GLIPR1L2: variants seen among roughly 807,000 people sequenced by gnomAD.
The protein encoded by GLIPR1L2 is GLIPR1 like 2.
A neutral mutation model predicts 28.4 loss-of-function variants in GLIPR1L2; 21 were observed. The ratio of observed to expected loss-of-function variants is 0.74; its 90% CI spans 0.52 to 1.06. GLIPR1L2 has a LOEUF of 1.06. Ranked by LOEUF, GLIPR1L2 falls within the 50% of genes least tolerant of loss-of-function variation. The pLI is 0.00. For synonymous variants in GLIPR1L2, 145 were observed against 139.3 expected, an observed-to-expected ratio of 1.04 and a Z score of -0.29; for missense variants, 476 against 416.9, an observed-to-expected ratio of 1.14 and a Z score of -1.23.
At chr12:75,426,659 G>T (rs1226403009) in intron 4 of GLIPR1L2, among the ~76,000 whole-genome samples, 1 of 152,158 alleles carries the variant, frequency 6.6e-6, no homozygotes, top group African/African-American at 2.4e-5. Flanking sequence ...ACACTCACGT[G>T]GTAGTAATGC....
In GLIPR1L2 at chr12:75,430,820, A is replaced by G. The variant is rs1316670968; in HGVS notation, c.698-4A>G. The stretch of plus-strand genomic sequence containing the variant: ...CCAGCTTTCAATTGCTTCTTTGTTT[A>G]CAGATTACCGATTTTGGTATCCAAA... On this transcript the variant is annotated splice_polypyrimidine_tract_variant and splice_region_variant and intron_variant, in intron 5 of 5. Transcript: ENST00000550916. 1 of 1,533,362 alleles carries G rather than the reference A, an allele frequency of 6.5e-7. No homozygotes were observed. The highest frequency in any genetic ancestry group is 2.4e-5 in the East Asian group (1 of 40,882). 95.0% of individuals were successfully genotyped at this position (1,533,362 alleles called of 1,614,324 possible).
chr12:75,391,471 C>T (rs1322160559), intron 1 of GLIPR1L2, 121 bp downstream of exon 1: 11 of 1,560,992 alleles, frequency 7.0e-6, no homozygotes, highest in Non-Finnish European at 9.5e-6. Flanking sequence ...GCACTTTTAG[C>T]TTGGTTTTTA....
At chr12:75,423,382 TC>T in intron 4 of GLIPR1L2, 1 of 994,790 alleles carries the variant, frequency 1.0e-6, no homozygotes, top group Middle Eastern at 4.8e-4. Flanking sequence ...TAGTTTTTCC[TC>T]CAAAAAGCTG....
chr12:75,400,434 A>G (rs1282248809), intron 1 of GLIPR1L2, among the ~76,000 whole-genome samples: 1 of 152,082 alleles, frequency 6.6e-6, no homozygotes, highest in Non-Finnish European at 1.5e-5. Flanking sequence ...AACGTTCTTT[A>G]TACTAACAAC....
intron 4 of GLIPR1L2, among the ~76,000 whole-genome samples, chr12:75,428,709 G>T (rs796915250): frequency 1.3e-5 from 2 of 152,172 alleles, no homozygotes; most frequent in Non-Finnish European, 2.9e-5. Flanking sequence ...CATGGGCCAG[G>T]CCCAGTCCCC....
intron 4 of GLIPR1L2, 94 bp from the exon 5 acceptor site, chr12:75,430,621 A>G: frequency 8.6e-7 from 1 of 1,159,314 alleles, no homozygotes. Flanking sequence ...CCTGAGAACT[A>G]GGAGAAAGTG....
At chr12:75,408,823 A>T (rs950444632) in intron 1 of GLIPR1L2, among the ~76,000 whole-genome samples, 14 of 152,096 alleles carry the variant, frequency 9.2e-5, no homozygotes, top group African/African-American at 3.1e-4. Context: ...CCCATTTAAA[A>T]CAGCCAAACT....
At chr12:75,393,828 A>G (rs2045655636) in intron 1 of GLIPR1L2, among the ~76,000 whole-genome samples, 3 of 152,066 alleles carry the variant, frequency 2.0e-5, no homozygotes, top group South Asian at 4.2e-4. Context: ...TCTGTTTTCC[A>G]TAGTGGCTGC....
chr12:75,398,052 C>T (rs1366855525), intron 1 of GLIPR1L2, among the ~76,000 whole-genome samples: 1 of 150,028 alleles, frequency 6.7e-6, no homozygotes, highest in Non-Finnish European at 1.5e-5. Flanking sequence ...AAAAAAATGC[C>T]GGGAGCGGTG....
intron 1 of GLIPR1L2, among the ~76,000 whole-genome samples, chr12:75,399,707 T>C (rs1268194262): frequency 6.6e-6 from 1 of 152,248 alleles, no homozygotes; most frequent in African/African-American, 2.4e-5. Context: ...ATGTATTTTT[T>C]GCTATTCAGA....
intron 1 of GLIPR1L2, among the ~76,000 whole-genome samples, chr12:75,392,706 C>T (rs1221980618): frequency 1.3e-5 from 2 of 151,950 alleles, no homozygotes; most frequent in Non-Finnish European, 2.9e-5. Context: ...TCTAATACAA[C>T]TTTTCATAGG....
intron 3 of GLIPR1L2, 102 bp from the exon 4 acceptor site, chr12:75,422,802 C>T (rs1373882011): frequency 7.7e-6 from 7 of 910,964 alleles, no homozygotes; most frequent in African/African-American, 1.8e-5. Context: ...TTTCTTAACC[C>T]GCCTTTTTAA....
intron 1 of GLIPR1L2, among the ~76,000 whole-genome samples, chr12:75,406,773 A>AC (rs1203096453): frequency 1.4e-5 from 2 of 145,152 alleles, no homozygotes; most frequent in South Asian, 4.3e-4. Context: ...AAAAAAAAAA[A>AC]AGAGAGAGAG....
rs899723517 is a variant in GLIPR1L2 at position 75,391,425 on chromosome 12, G to C, written c.234+75G>C. On this transcript the variant is annotated intron_variant, in intron 1 of 5. Coordinates refer to ENST00000550916, the MANE Select transcript of GLIPR1L2 (RefSeq NM_001270396.2). Reference sequence around the variant, plus strand: ...GCCTCCCTGGATCTCGGGTAGTTGGGGCCACTGCTCTGAGGCTGAAGGATC... The same window carrying C: ...GCCTCCCTGGATCTCGGGTAGTTGGCGCCACTGCTCTGAGGCTGAAGGATC... The C allele has an allele frequency of 8.1e-6, 13 of 1,601,646 alleles. No individual in the cohort carries two copies. The Admixed American group carries it at 1.5e-4, about 19-fold the overall frequency.
chr12:75,411,157 T>A (rs1173158210), intron 2 of GLIPR1L2, among the ~76,000 whole-genome samples: 1 of 151,894 alleles, frequency 6.6e-6, no homozygotes, highest in African/African-American at 2.4e-5. Context: ...ATTGAAGCAC[T>A]TTTCATTTCA....
chr12:75,429,897 CTA>C (rs2046072712), intron 4 of GLIPR1L2, among the ~76,000 whole-genome samples: 1 of 151,254 alleles, frequency 6.6e-6, no homozygotes, highest in Non-Finnish European at 1.5e-5. Flanking sequence ...CTATGCAGAA[CTA>C]TGAGTCAATT....
chr12:75,412,666 A>G (rs978130201), intron 2 of GLIPR1L2, among the ~76,000 whole-genome samples: 2 of 152,066 alleles, frequency 1.3e-5, no homozygotes. Flanking sequence ...CACCAGTTAG[A>G]ATGGCGATCA....
chr12:75,424,646 T>C (rs1332437385), intron 4 of GLIPR1L2, among the ~76,000 whole-genome samples: 3 of 151,896 alleles, frequency 2.0e-5, no homozygotes, highest in Admixed American at 2.0e-4. Context: ...GACAGGATCT[T>C]GTTGTGTTGC....
intron 4 of GLIPR1L2, 87 bp from the exon 5 acceptor site, chr12:75,430,628 A>C (rs2046081561): frequency 8.1e-7 from 1 of 1,235,082 alleles, no homozygotes; most frequent in Non-Finnish European, 1.1e-6. Flanking sequence ...ACTAGGAGAA[A>C]GTGACACTAT....
Sources: allele counts gnomAD v4.1 joint callset (sites outside exome capture counted in the v4.1 genomes callset), GRCh38; gene constraint gnomAD v4.1.1; transcripts MANE v1.5; gene names NCBI Gene and HGNC (gene_info 2026-07-23, HGNC 2026-07-21).